Variants in FHIP2A observed in about 807,000 individuals in gnomAD.
FHIP2A encodes the protein family with sequence similarity 160 member B1.
In FHIP2A, 46 loss-of-function variants were observed where a neutral mutation model predicts 93.5. That is an observed-to-expected ratio of 0.49 (90% CI 0.39 to 0.63). The LOEUF (loss-of-function observed/expected upper bound fraction) is 0.63. Ranked by LOEUF, FHIP2A falls within the 20% of genes least tolerant of loss-of-function variation. The pLI is 0.00. For missense variants in FHIP2A, 769 were observed against 909.7 expected (o/e 0.85, Z 1.99); for synonymous variants, 332 against 326.5 (o/e 1.02, Z -0.18).
chr10:114,822,366 C>T (rs2083535105), intron 1 of FHIP2A, among the ~76,000 whole-genome samples: 1 of 151,892 alleles, frequency 6.6e-6, no homozygotes, highest in African/African-American at 2.4e-5. Flanking sequence ...AGTCCCTGCC[C>T]TCCTCCAGGA....
chr10:114,896,087 A>T (rs1239521286), intron 16 of FHIP2A, among the ~76,000 whole-genome samples: 1 of 152,164 alleles, frequency 6.6e-6, no homozygotes, highest in African/African-American at 2.4e-5. Flanking sequence ...GGCTAGAATG[A>T]TTGATCCTAG....
intron 16 of FHIP2A, among the ~76,000 whole-genome samples, chr10:114,873,764 C>A (rs1592030212): frequency 6.6e-6 from 1 of 152,142 alleles, no homozygotes; most frequent in Non-Finnish European, 1.5e-5. Context: ...CTTTAACATA[C>A]CCCCATCAAT....
Position 114,846,334 on chromosome 10 carries a change from G to C in FHIP2A, c.1365G>C (p.Arg455Ser), listed in dbSNP as rs769100051. ...AEISRHPLRH[R>S]LIEHCDHISD... The stretch of plus-strand genomic sequence containing the variant: ...TCAGCAGACATCCTTTAAGGCATAG[G>C]TTAATTGAACATTGTGATCACATAT... The change falls in exon 10 of 17, where the codon AGG becomes AGC. Residue 455 changes from arginine to serine, a missense_variant. Physicochemically the swap from Arg to Ser is moderately radical, Grantham distance 110. Transcript: ENST00000369248. 2 of 1,614,126 alleles carry C rather than the reference G, an allele frequency of 1.2e-6. No homozygotes were observed. The highest frequency in any genetic ancestry group is 1.7e-6 in the Non-Finnish European group (2 of 1,180,012).
At chr10:114,861,391 G>A (rs2143013260) in intron 16 of FHIP2A, 44 bp from the exon 17 acceptor site, 2 of 1,613,796 alleles carry the variant, frequency 1.2e-6, no homozygotes, top group Non-Finnish European at 1.7e-6. Context: ...TTAATGATCG[G>A]CTGCTATCTT....
chr10:114,884,546 T>C (rs2083932121), intron 16 of FHIP2A, among the ~76,000 whole-genome samples: 1 of 152,152 alleles, frequency 6.6e-6, no homozygotes, highest in Admixed American at 6.5e-5. Flanking sequence ...AGACACTCAC[T>C]AAGAGCTTAA....
exon 17 of FHIP2A, chr10:114,899,644 T>C: frequency 1.6e-6 from 1 of 636,542 alleles, no homozygotes; most frequent in Non-Finnish European, 2.9e-6. Flanking sequence ...GGCCCCAGGC[T>C]GATTGGCAGA....
In FHIP2A at chr10:114,847,242, C is replaced by A. The variant is rs781440066; in HGVS notation, c.1712+9C>A. 2 of 1,592,652 alleles carry A rather than the reference C, an allele frequency of 1.3e-6. No individual in the cohort carries two copies. Among genetic ancestry groups the A allele is most frequent in the Admixed American group, 1.9e-5 (1 of 53,520 alleles). ...CATAAAATTGTAAATAGGTGAGTTG[C>A]TATATAAAATTTGACTTCCATCTCT... On this transcript the variant is annotated intron_variant, in intron 12 of 16. Transcript: ENST00000369248.
intron 1 of FHIP2A, among the ~76,000 whole-genome samples, chr10:114,822,492 C>A (rs999080000): frequency 2.0e-5 from 3 of 152,208 alleles, no homozygotes; most frequent in African/African-American, 7.2e-5. Flanking sequence ...AGAGAGCTCC[C>A]CCGGGCTCCC....
At chr10:114,869,507 G>A (rs373201008), downstream of FHIP2A, among the ~76,000 whole-genome samples, 7 of 152,036 alleles carry the variant, frequency 4.6e-5, no homozygotes, top group East Asian at 1.9e-4. Context: ...CTTAAGCTGC[G>A]TTGGTGTTGG....
At chr10:114,827,700 G>C (rs1258387929) in intron 1 of FHIP2A, among the ~76,000 whole-genome samples, 2 of 151,820 alleles carry the variant, frequency 1.3e-5, no homozygotes, top group Admixed American at 1.3e-4. Context: ...GGGAGGCTGA[G>C]GCAGGAGAAT....
Position 114,846,058 on chromosome 10 carries a change from A to G in FHIP2A, c.1174A>G (p.Ile392Val). The change falls in exon 9 of 17, where the codon ATT becomes GTT. Residue 392 changes from isoleucine to valine, a missense_variant. By Grantham distance (29) the Ile-to-Val change is conservative. Coordinates refer to ENST00000369248, the MANE Select transcript of FHIP2A (RefSeq NM_020940.4). The stretch of plus-strand genomic sequence containing the variant: ...CAAAGCTGTTCATGAAAGATTTTTC[A>G]TTGGTGTTATGGAACCTCAATTAAT... ...LAKAVHERFFIGVMEPQLMQT... is the reference protein window; with the variant it reads ...LAKAVHERFFVGVMEPQLMQT... The G allele has an allele frequency of 2.5e-6, 4 of 1,613,890 alleles. No homozygotes were observed. Among genetic ancestry groups the G allele is most frequent in the Non-Finnish European group, 3.4e-6 (4 of 1,179,952 alleles).
At chr10:114,873,025 A>T (rs1035790223) in intron 16 of FHIP2A, among the ~76,000 whole-genome samples, 1 of 152,212 alleles carries the variant, frequency 6.6e-6, no homozygotes, top group Non-Finnish European at 1.5e-5. Flanking sequence ...CAGGGCTAAA[A>T]ATAGCAGGAA....
chr10:114,832,589 C>T (rs945140462), intron 2 of FHIP2A, among the ~76,000 whole-genome samples: 6 of 152,050 alleles, frequency 3.9e-5, no homozygotes, highest in African/African-American at 1.4e-4. Context: ...TATAAATACA[C>T]ATAGAACATT....
In FHIP2A at chr10:114,835,409, C is replaced by A. The variant is rs142343792; in HGVS notation, c.295-128C>A. On this transcript the variant is annotated intron_variant, in intron 3 of 16. Coordinates refer to ENST00000369248, the MANE Select transcript of FHIP2A (RefSeq NM_020940.4). ...TTTATTCTGACAGTTATTAACTGGCCAGTTGCATTGTCTTTTCAAGGTGGA... is the reference window on the plus strand; with the variant it reads ...TTTATTCTGACAGTTATTAACTGGCAAGTTGCATTGTCTTTTCAAGGTGGA... The A allele has an allele frequency of 2.8e-4, 156 of 550,208 alleles. No individual in the cohort carries two copies. The Middle Eastern group carries it at 4.2e-3, about 15-fold the overall frequency. 34.1% of individuals were successfully genotyped at this position (550,208 alleles called of 1,614,324 possible).
chr10:114,836,748 A>G (rs1433044531), intron 5 of FHIP2A, among the ~76,000 whole-genome samples: 1 of 152,064 alleles, frequency 6.6e-6, no homozygotes, highest in Non-Finnish European at 1.5e-5. Context: ...AAATCAAGTG[A>G]TATTTTGGAT....
At chr10:114,839,281 C>A (rs1361993112) in intron 5 of FHIP2A, among the ~76,000 whole-genome samples, 2 of 152,036 alleles carry the variant, frequency 1.3e-5, no homozygotes, top group African/African-American at 2.4e-5. Context: ...TGCGCACCAC[C>A]ACGCCCGGCT....
At chr10:114,867,667 G>C (rs1464178324), downstream of FHIP2A, among the ~76,000 whole-genome samples, 3 of 152,172 alleles carry the variant, frequency 2.0e-5, no homozygotes, top group African/African-American at 7.2e-5. Context: ...GGAGATGGTG[G>C]AGATGAATTC....
At chr10:114,868,575 A>T (rs187722450), downstream of FHIP2A, among the ~76,000 whole-genome samples, 69 of 152,208 alleles carry the variant, frequency 4.5e-4, no homozygotes, top group African/African-American at 1.6e-3. Flanking sequence ...ATATATATAT[A>T]TTTTAAATAT....
At chr10:114,855,380 G>T (rs143391809) in intron 14 of FHIP2A, 40 bp downstream of exon 14, 17,829 of 1,510,766 alleles carry the variant, frequency 0.012, 144 homozygotes, top group Middle Eastern at 0.027. Context: ...ATTTTTTTTT[G>T]CCATTCACCA....
Sources: gnomAD v4.1 joint callset for allele counts (sites outside exome capture counted in the v4.1 genomes callset) on GRCh38, gnomAD v4.1.1 for gene constraint, MANE v1.5 for transcripts, NCBI Gene and HGNC (gene_info 2026-07-23, HGNC 2026-07-21) for gene names.